CCDC88C: variants seen among roughly 807,000 people sequenced by gnomAD.
The protein encoded by CCDC88C is coiled-coil and HOOK domain protein 88C, also known as protein Daple.
CCDC88C carries 131 observed loss-of-function variants against 198.8 expected under a neutral mutation model. The observed-to-expected ratio is 0.66, with a 90% CI of 0.57 to 0.76. CCDC88C has a LOEUF of 0.76. Among genes scored for constraint, CCDC88C ranks in the 30% least tolerant of loss-of-function variants. The pLI, the probability that CCDC88C is intolerant of heterozygous loss-of-function variation, is 0.00. For synonymous variants in CCDC88C, 1,166 were observed against 1,114.7 expected, an observed-to-expected ratio of 1.05 and a Z score of -0.92; for missense variants, 2,553 against 2,631.6, an observed-to-expected ratio of 0.97 and a Z score of 0.65.
At chr14:91,405,463 C>T (rs1405953390) in intron 3 of CCDC88C, among the ~76,000 whole-genome samples, 1 of 152,164 alleles carries the variant, frequency 6.6e-6, no homozygotes, top group Non-Finnish European at 1.5e-5. Flanking sequence ...CAAGAAGAGG[C>T]CGGGCGGCAG....
chr14:91,318,198 C>A (rs1892188932), intron 13 of CCDC88C, among the ~76,000 whole-genome samples: 1 of 151,994 alleles, frequency 6.6e-6, no homozygotes, highest in South Asian at 2.1e-4. Flanking sequence ...GACCGAAGGA[C>A]TGCTTGAGCC....
At chr14:91,294,080 C>T in intron 23 of CCDC88C, 93 bp downstream of exon 23, 1 of 1,461,012 alleles carries the variant, frequency 6.8e-7, no homozygotes, top group South Asian at 1.2e-5. Context: ...GGCCCAGGGG[C>T]TCCTCTCTGC....
chr14:91,308,586 G>T, intron 16 of CCDC88C, 94 bp from the exon 17 acceptor site: 1 of 1,316,832 alleles, frequency 7.6e-7, no homozygotes, highest in Non-Finnish European at 1.1e-6. Flanking sequence ...CCTTCCATTA[G>T]GCTGGGTTAC....
chr14:91,345,043 C>T (rs537748703), intron 4 of CCDC88C, among the ~76,000 whole-genome samples: 1 of 151,612 alleles, frequency 6.6e-6, no homozygotes, highest in South Asian at 2.1e-4. Flanking sequence ...ATCCTCCTGC[C>T]TCAGCCTTCC....
At chr14:91,294,851 G>C (rs1326303039) in intron 22 of CCDC88C, among the ~76,000 whole-genome samples, 1 of 152,142 alleles carries the variant, frequency 6.6e-6, no homozygotes, top group African/African-American at 2.4e-5. Context: ...TAGAGACGGG[G>C]TTTCATCATG....
At chr14:91,299,891 G>T (rs1274744923) in intron 21 of CCDC88C, 36 bp downstream of exon 21, 2 of 1,549,902 alleles carry the variant, frequency 1.3e-6, no homozygotes, top group Non-Finnish European at 1.7e-6. Context: ...AGAATCTGGG[G>T]TGCTGCTATG....
intron 3 of CCDC88C, among the ~76,000 whole-genome samples, chr14:91,401,080 A>G (rs532270294): frequency 6.6e-6 from 1 of 151,894 alleles, no homozygotes; most frequent in South Asian, 2.1e-4. Context: ...AAGGCAGGTT[A>G]CAAACAGTAT....
intron 3 of CCDC88C, among the ~76,000 whole-genome samples, chr14:91,375,259 CTGTGTGTG>C (rs763871977): frequency 7.6e-4 from 115 of 151,830 alleles, no homozygotes; most frequent in Admixed American, 2.8e-3. Context: ...GCGCGCGTGT[CTGTGTGTG>C]TGTGTGCGCG....
At chr14:91,293,465 T>TGCCC (rs1567055443) in intron 23 of CCDC88C, among the ~76,000 whole-genome samples, 22 of 64,830 alleles carry the variant, frequency 3.4e-4, no homozygotes, top group Admixed American at 5.4e-4. Context: ...CACCTTCCCA[T>TGCCC]CCTCACCTGC....
intron 10 of CCDC88C, among the ~76,000 whole-genome samples, chr14:91,330,293 GAAGA>G (rs1020492422): frequency 6.6e-5 from 10 of 152,262 alleles, no homozygotes; most frequent in Non-Finnish European, 1.0e-4. Context: ...CGCAGAGTCG[GAAGA>G]GAGAGTGGGG....
rs753634468 is a variant in CCDC88C, at chr14:91,294,291, C to T, written c.3994G>A (p.Glu1332Lys). 10 of 1,614,014 alleles carry T rather than the reference C, an allele frequency of 6.2e-6. No homozygotes were observed. The South Asian group carries it at 9.9e-5, about 16-fold the overall frequency. Residue 1332 changes from glutamate to lysine, a missense_variant, in exon 23 of 30, where the codon GAG becomes AAG. Transcript: ENST00000389857. The stretch of plus-strand genomic sequence containing the variant: ...CTCAGGAGGTGATGATTTTCTTCCT[C>T]CAAGTTCCCCTTGAGACGGGAGAGC... ...ELLSRLKGNL[E>K]EENHHLLSQI...
intron 23 of CCDC88C, among the ~76,000 whole-genome samples, chr14:91,293,946 G>A (rs1280260094): frequency 1.3e-5 from 2 of 152,202 alleles, no homozygotes; most frequent in Non-Finnish European, 2.9e-5. Context: ...TTCTGGTGGT[G>A]GAAAGCGCCT....
chr14:91,390,392 C>T (rs941437654), intron 3 of CCDC88C, among the ~76,000 whole-genome samples: 1 of 152,234 alleles, frequency 6.6e-6, no homozygotes, highest in Non-Finnish European at 1.5e-5. Context: ...GGACTCTTCT[C>T]ACTCAGTGCA....
rs1036654091 is a variant in CCDC88C at position 91,273,688 on chromosome 14, T to A, written c.5059-35A>T. ...AGAGAGTGAAGGTTGGAGGTGGGCATGAGGGTTGGGTGGGTCCTTGGAGCC... is the reference window on the plus strand; with the variant it reads ...AGAGAGTGAAGGTTGGAGGTGGGCAAGAGGGTTGGGTGGGTCCTTGGAGCC... On this transcript the variant is annotated intron_variant, in intron 29 of 29. Transcript: ENST00000389857. The surrounding 1 kb of genome is among the most constrained non-coding windows in gnomAD (Gnocchi z 5.6). The A allele has an allele frequency of 7.0e-7, 1 of 1,431,294 alleles. No individual in the cohort carries two copies. Among genetic ancestry groups the A allele is most frequent in the African/African-American group, 1.5e-5 (1 of 68,648 alleles). 88.7% of individuals were successfully genotyped at this position (1,431,294 alleles called of 1,614,324 possible).
At chr14:91,380,364 T>C (rs1331983949) in intron 3 of CCDC88C, among the ~76,000 whole-genome samples, 1 of 152,168 alleles carries the variant, frequency 6.6e-6, no homozygotes, top group African/African-American at 2.4e-5. Flanking sequence ...CAGGCCCGCA[T>C]CTCTCAATAG....
intron 4 of CCDC88C, among the ~76,000 whole-genome samples, chr14:91,349,698 C>T (rs1893699890): frequency 6.6e-6 from 1 of 152,116 alleles, no homozygotes. Context: ...AGTCTTGACA[C>T]AAAGAAATTC....
At chr14:91,377,851 G>A (rs796655119) in intron 3 of CCDC88C, among the ~76,000 whole-genome samples, 27 of 152,310 alleles carry the variant, frequency 1.8e-4, no homozygotes, top group African/African-American at 4.8e-4. Context: ...GCTGCAGTGC[G>A]TGCAGCAGGA....
At chr14:91,367,472 G>A (rs753365435) in intron 3 of CCDC88C, among the ~76,000 whole-genome samples, 1 of 152,198 alleles carries the variant, frequency 6.6e-6, no homozygotes, top group Non-Finnish European at 1.5e-5. Flanking sequence ...TCTAGACACC[G>A]TCTTCCCTGG....
intron 1 of CCDC88C, 31 bp from the exon 2 acceptor site, chr14:91,416,869 AG>A: frequency 6.6e-7 from 1 of 1,505,754 alleles, no homozygotes. Flanking sequence ...AGAGAAAGAC[AG>A]GAAGTCACCC....
Sources: gnomAD v4.1 joint callset for allele counts (sites outside exome capture counted in the v4.1 genomes callset) on GRCh38, gnomAD v4.1.1 for gene constraint, Gnocchi (gnomAD v3.1) non-coding constraint, MANE v1.5 for transcripts, NCBI Gene and HGNC (gene_info 2026-07-23, HGNC 2026-07-21) for gene names.